The following DTNB variants were observed in gnomAD, a reference collection of about 807,000 sequenced individuals.
DTNB encodes the protein DTN-B.
Under a neutral mutation model 90.7 loss-of-function variants are expected in DTNB, and 63 were observed. That is an observed-to-expected ratio of 0.69 (90% CI 0.57 to 0.86). The LOEUF is 0.86. Ranked by LOEUF, DTNB falls within the 40% of genes least tolerant of loss-of-function variation. The probability of loss-of-function intolerance (pLI) is 0.00; values close to 1 mark genes in which losing one functional copy is unlikely to be tolerated. For synonymous variants in DTNB, 277 were observed against 286.7 expected (o/e 0.97, Z 0.34); for missense variants, 744 against 807.1 (o/e 0.92, Z 0.95).
intron 1 of DTNB, among the ~76,000 whole-genome samples, chr2:25,662,959 T>C (rs2083563607): frequency 6.6e-6 from 1 of 152,154 alleles, no homozygotes; most frequent in South Asian, 2.1e-4. Context: ...GCTTGTTACA[T>C]GGGTATACAT....
At chr2:25,605,464 C>A (rs545520450) in intron 5 of DTNB, among the ~76,000 whole-genome samples, 1 of 152,312 alleles carries the variant, frequency 6.6e-6, no homozygotes, top group East Asian at 1.9e-4. Context: ...CCTTCCAAAC[C>A]GAGAACTAGA....
intron 8 of DTNB, among the ~76,000 whole-genome samples, chr2:25,574,953 A>G (rs1051665571): frequency 6.6e-6 from 1 of 152,216 alleles, no homozygotes; most frequent in Non-Finnish European, 1.5e-5. Context: ...TTCTGTATGT[A>G]TCTTATAACT....
At chr2:25,590,910 G>A (rs979005176) in intron 6 of DTNB, among the ~76,000 whole-genome samples, 1 of 152,226 alleles carries the variant, frequency 6.6e-6, no homozygotes, top group African/African-American at 2.4e-5. Context: ...TGGCACCCAG[G>A]TGTTCGTGCC....
intron 3 of DTNB, among the ~76,000 whole-genome samples, chr2:25,633,722 C>A (rs888070137): frequency 6.6e-6 from 1 of 151,538 alleles, no homozygotes; most frequent in African/African-American, 2.4e-5. Flanking sequence ...AAGTGAGGAG[C>A]GCCTCTTCCC....
chr2:25,384,927 G>A (rs943306200), intron 18 of DTNB, among the ~76,000 whole-genome samples: 6 of 150,688 alleles, frequency 4.0e-5, no homozygotes, highest in African/African-American at 1.2e-4. Flanking sequence ...TGCCCAGGCT[G>A]GACTACAGCG....
At chr2:25,541,339 G>A (rs2081209950) in intron 8 of DTNB, among the ~76,000 whole-genome samples, 1 of 151,958 alleles carries the variant, frequency 6.6e-6, no homozygotes, top group African/African-American at 2.4e-5. Flanking sequence ...AATTAGCTGG[G>A]CGTGGTGGTG....
chr2:25,473,018 C>T (rs960741549), intron 10 of DTNB, among the ~76,000 whole-genome samples: 5 of 152,176 alleles, frequency 3.3e-5, no homozygotes, highest in African/African-American at 9.7e-5. Flanking sequence ...AGTGCTGCAG[C>T]AAAGAAGATC....
intron 10 of DTNB, 97 bp downstream of exon 10, chr2:25,482,699 G>A (rs2065212628): frequency 2.4e-6 from 3 of 1,238,930 alleles, no homozygotes; most frequent in South Asian, 2.4e-5. Flanking sequence ...TTTCTGCCCT[G>A]TGGAACAACC....
At chr2:25,407,538 A>G (rs2045511171) in intron 16 of DTNB, among the ~76,000 whole-genome samples, 1 of 152,202 alleles carries the variant, frequency 6.6e-6, no homozygotes, top group African/African-American at 2.4e-5. Context: ...CCATCAACCA[A>G]TGAGTGAATA....
At chr2:25,550,404 AAAAC>A (rs2083403884) in intron 8 of DTNB, among the ~76,000 whole-genome samples, 1 of 152,000 alleles carries the variant, frequency 6.6e-6, no homozygotes. Context: ...AACAAAAACA[AAAAC>A]AAAACAAACA....
Position 25,482,777 on chromosome 2 carries a change from A to G in DTNB, c.1079+19T>C. ...TAGCAGAGGCCAACACCCAAGTCGA[A>G]GGCACAAGACATACGTACCTCTTGG... On this transcript the variant is annotated intron_variant, in intron 10 of 20. Coordinates refer to ENST00000406818, the MANE Select transcript of DTNB (RefSeq NM_021907.5). 1 of 1,613,216 alleles carries G rather than the reference A, an allele frequency of 6.2e-7. No individual in the cohort carries two copies. Among genetic ancestry groups the G allele is most frequent in the Non-Finnish European group, 8.5e-7 (1 of 1,179,350 alleles).
chr2:25,613,924 C>T (rs1403214548), intron 4 of DTNB, among the ~76,000 whole-genome samples: 1 of 152,156 alleles, frequency 6.6e-6, no homozygotes, highest in Non-Finnish European at 1.5e-5. Flanking sequence ...TGCCACTGCA[C>T]TCCAGCCTGG....
intron 7 of DTNB, 48 bp from the exon 8 acceptor site, chr2:25,577,052 G>C: frequency 6.7e-7 from 1 of 1,486,110 alleles, no homozygotes; most frequent in East Asian, 2.5e-5. Flanking sequence ...GGAGGGAAGG[G>C]ATAGAATAAA....
intron 8 of DTNB, among the ~76,000 whole-genome samples, chr2:25,535,580 G>A (rs1324388028): frequency 9.8e-5 from 14 of 143,224 alleles, no homozygotes; most frequent in Non-Finnish European, 1.2e-4. Flanking sequence ...GGGCGGCCAC[G>A]CAGAGATGCT....
chr2:25,507,379 T>A (rs888850810), intron 9 of DTNB, among the ~76,000 whole-genome samples: 1 of 152,152 alleles, frequency 6.6e-6, no homozygotes, highest in Non-Finnish European at 1.5e-5. Context: ...AAACTCCCTA[T>A]CTGACACCTC....
intron 9 of DTNB, among the ~76,000 whole-genome samples, chr2:25,499,052 C>T (rs2069748799): frequency 6.6e-6 from 1 of 151,186 alleles, no homozygotes; most frequent in Non-Finnish European, 1.5e-5. Flanking sequence ...ACTGTCTCTA[C>T]TAAAAATAGG....
At chr2:25,392,653 A>G (rs1343074042) in intron 16 of DTNB, among the ~76,000 whole-genome samples, 1 of 152,344 alleles carries the variant, frequency 6.6e-6, no homozygotes, top group East Asian at 1.9e-4. Flanking sequence ...GAGGAAATGG[A>G]TAAATTCCTG....
chr2:25,390,825 G>C (rs984574817), intron 16 of DTNB, among the ~76,000 whole-genome samples: 8 of 151,700 alleles, frequency 5.3e-5, no homozygotes, highest in Non-Finnish European at 1.2e-4. Context: ...CTTAAACATA[G>C]GAGCTGAAAT....
At chr2:25,486,433 T>C (rs1473659456) in intron 9 of DTNB, among the ~76,000 whole-genome samples, 1 of 152,108 alleles carries the variant, frequency 6.6e-6, no homozygotes. Flanking sequence ...GCCACTGCAC[T>C]TCAGGCTGGG....
Sources: gnomAD v4.1 joint callset for allele counts (sites outside exome capture counted in the v4.1 genomes callset) on GRCh38, gnomAD v4.1.1 for gene constraint, MANE v1.5 for transcripts, NCBI Gene and HGNC (gene_info 2026-07-23, HGNC 2026-07-21) for gene names.